The following FER1L6 variants were observed in gnomAD, a reference collection of about 807,000 sequenced individuals.
The protein encoded by FER1L6 is fer-1-like protein 6.
Under a neutral mutation model 219.2 loss-of-function variants are expected in FER1L6, and 177 were observed. The observed-to-expected ratio is 0.81, with a 90% confidence interval of 0.71 to 0.91. The LOEUF (loss-of-function observed/expected upper bound fraction) is 0.91, where lower values mean the gene tolerates loss of function less well. FER1L6 is among the 40% of genes least tolerant of loss of function. FER1L6 has a pLI of 0.00. For missense variants in FER1L6, 2,153 were observed against 2,259.9 expected (o/e 0.95, Z 0.96); for synonymous variants, 768 against 824.3 (o/e 0.93, Z 1.17).
At chr8:123,949,087 C>T (rs1290429277) in intron 1 of FER1L6, among the ~76,000 whole-genome samples, 1 of 152,174 alleles carries the variant, frequency 6.6e-6, no homozygotes, top group Admixed American at 6.5e-5. Context: ...GATCATTGCT[C>T]ATCTCAGGAA....
intron 22 of FER1L6, among the ~76,000 whole-genome samples, chr8:124,052,865 G>A (rs1820115449): frequency 6.6e-6 from 1 of 152,086 alleles, no homozygotes; most frequent in Non-Finnish European, 1.5e-5. Flanking sequence ...TGTTTCATTG[G>A]TTTTCTTTTT....
chr8:123,990,051 G>A (rs1294739320), intron 12 of FER1L6, among the ~76,000 whole-genome samples: 7 of 152,064 alleles, frequency 4.6e-5, no homozygotes, highest in African/African-American at 1.4e-4. Context: ...GGCGGATCAC[G>A]AGGTCAGGAG....
rs567570426 is a variant in FER1L6, at chr8:124,015,815, T to G, written c.1923-1813T>G. 3.9e-5 allele frequency: 6 copies of G among 152,342 alleles called. No individual in the cohort carries two copies. In the South Asian group the frequency reaches 1.2e-3, roughly 32 times the overall value. The allele number at this position is 152,342 out of a possible 1,614,324, so 9.4% of individuals were successfully genotyped here. A position where few individuals can be genotyped will look rare whatever the true frequency, so the allele number is the denominator to read the frequency against. On this transcript the variant is annotated intron_variant, in intron 15 of 40. Coordinates refer to ENST00000522917, the MANE Select transcript of FER1L6 (RefSeq NM_001039112.2). ...CAACCAACTGAAAAAAATATTAGGA[T>G]AAGACAGAGATAAAAATGTTAGTTT... is the stretch of plus-strand genomic sequence containing the variant.
intron 13 of FER1L6, among the ~76,000 whole-genome samples, chr8:124,006,179 G>T (rs908079830): frequency 6.6e-6 from 1 of 152,174 alleles, no homozygotes; most frequent in African/African-American, 2.4e-5. Context: ...TTGCACTGGG[G>T]CCAGGCAGTG....
At chr8:124,113,409 C>T (rs757613685) in intron 39 of FER1L6, among the ~76,000 whole-genome samples, 5 of 152,036 alleles carry the variant, frequency 3.3e-5, no homozygotes, top group African/African-American at 1.2e-4. Flanking sequence ...GTCACTCTAC[C>T]CCTAAATACC....
intron 1 of FER1L6, among the ~76,000 whole-genome samples, chr8:123,878,717 CT>C (rs914826290): frequency 1.3e-5 from 2 of 152,198 alleles, no homozygotes; most frequent in Admixed American, 6.5e-5. Flanking sequence ...TAATAAAATA[CT>C]TTTTTTTGCC....
intron 12 of FER1L6, among the ~76,000 whole-genome samples, chr8:123,992,682 T>A (rs1445266883): frequency 1.3e-5 from 2 of 152,230 alleles, no homozygotes; most frequent in African/African-American, 2.4e-5. Flanking sequence ...TGATCTTGTA[T>A]ATTTTTGGTT....
intron 37 of FER1L6, among the ~76,000 whole-genome samples, chr8:124,100,582 G>A (rs899839051): frequency 7.9e-5 from 12 of 152,140 alleles, no homozygotes; most frequent in African/African-American, 2.9e-4. Context: ...GGGCTTTCTA[G>A]GCCTAGAACC....
At chr8:123,920,914 A>G (rs1176459196) in intron 1 of FER1L6, among the ~76,000 whole-genome samples, 2 of 152,156 alleles carry the variant, frequency 1.3e-5, no homozygotes. Context: ...GACTACCTAT[A>G]CTACTCATAC....
chr8:124,081,638 A>C, intron 32 of FER1L6, among the ~76,000 whole-genome samples: 1 of 146,668 alleles, frequency 6.8e-6, no homozygotes, highest in Admixed American at 6.8e-5. Flanking sequence ...GCAGGTCCCT[A>C]TTCTCAAGGG....
At chr8:124,075,140 T>C (rs904286442) in intron 31 of FER1L6, among the ~76,000 whole-genome samples, 5 of 152,242 alleles carry the variant, frequency 3.3e-5, no homozygotes, top group African/African-American at 9.6e-5. Flanking sequence ...CAATAATAAA[T>C]TAGCTTACTA....
intron 14 of FER1L6, 39 bp from the exon 15 acceptor site, chr8:124,013,392 C>A: frequency 7.7e-7 from 1 of 1,296,276 alleles, no homozygotes; most frequent in Non-Finnish European, 1.1e-6. Flanking sequence ...AATCTCATTA[C>A]CACCGCCTCA....
Position 124,084,360 on chromosome 8 carries a change from G to A in FER1L6, c.4391+1902G>A, listed in dbSNP as rs573678366. On this transcript the variant is annotated intron_variant, in intron 33 of 40. Coordinates refer to ENST00000522917, the MANE Select transcript of FER1L6 (RefSeq NM_001039112.2). ...TCAGATCTTAGAGGAAAGGCTTTCC[G>A]TTTTCCCCATTCAGTATGATCCTAG... is the stretch of plus-strand genomic sequence containing the variant. Among the ~76,000 whole-genome samples, 88 of 151,950 alleles carry A rather than the reference G, an allele frequency of 5.8e-4. 2 individuals carry two copies. In the South Asian group the frequency reaches 8.7e-3, roughly 15 times the overall value.
Position 124,119,796 on chromosome 8 carries a change from C to A in FER1L6, c.*6C>A. ...GGATCGTTGTGGGCTCATAGAGGAT[C>A]ATGGAGGACCCAGATCCTCGCCATA... On this transcript the variant is annotated 3_prime_UTR_variant, in exon 41 of 41. Transcript: ENST00000522917. 3.1e-6 allele frequency: 5 copies of A among 1,613,130 alleles called. No homozygotes were observed. Among genetic ancestry groups the A allele is most frequent in the Non-Finnish European group, 4.2e-6 (5 of 1,179,606 alleles).
intron 37 of FER1L6, 64 bp downstream of exon 37, chr8:124,097,947 T>A: frequency 1.1e-6 from 1 of 874,348 alleles, no homozygotes; most frequent in Non-Finnish European, 1.9e-6. Context: ...AAACCCTAAC[T>A]AAATCTATGC....
intron 31 of FER1L6, among the ~76,000 whole-genome samples, chr8:124,072,728 C>CA (rs1205518047): frequency 6.6e-6 from 1 of 152,160 alleles, no homozygotes; most frequent in Non-Finnish European, 1.5e-5. Flanking sequence ...TCAGGGAAGT[C>CA]ACAGTGTAGT....
intron 39 of FER1L6, among the ~76,000 whole-genome samples, chr8:124,113,270 G>A (rs7839666): frequency 0.02 from 3,024 of 152,102 alleles, 105 homozygotes; most frequent in African/African-American, 0.069. Context: ...TTCAACACTT[G>A]CTAATATTTT....
intron 1 of FER1L6, among the ~76,000 whole-genome samples, chr8:123,877,776 A>AG (rs1563670688): frequency 6.6e-6 from 1 of 151,792 alleles, no homozygotes; most frequent in African/African-American, 2.4e-5. Flanking sequence ...CAAAAAAAAA[A>AG]AAAAAATGAA....
chr8:124,034,632 C>A (rs779466740), intron 18 of FER1L6, among the ~76,000 whole-genome samples: 8 of 152,182 alleles, frequency 5.3e-5, no homozygotes, highest in Non-Finnish European at 1.2e-4. Flanking sequence ...GAATCTGAGA[C>A]CACACTGCAT....
Sources: allele counts gnomAD v4.1 joint callset (sites outside exome capture counted in the v4.1 genomes callset), GRCh38; gene constraint gnomAD v4.1.1; transcripts MANE v1.5; gene names NCBI Gene and HGNC (gene_info 2026-07-23, HGNC 2026-07-21).